Variants in RPS6KA1 observed in about 807,000 individuals in gnomAD.
RPS6KA1 encodes ribosomal protein S6 kinase alpha-1.
Under a neutral mutation model 91.3 loss-of-function variants are expected in RPS6KA1, and 48 were observed. The observed-to-expected ratio is 0.53, with a 90% CI of 0.42 to 0.67. RPS6KA1 has a LOEUF of 0.67. Ranked by LOEUF, RPS6KA1 falls within the 30% of genes least tolerant of loss-of-function variation. The probability of loss-of-function intolerance (pLI) is 0.00; values close to 1 mark genes in which losing one functional copy is unlikely to be tolerated. For missense variants in RPS6KA1, 719 were observed against 960.5 expected (o/e 0.75, Z 3.32); for synonymous variants, 359 against 384.7 (o/e 0.93, Z 0.78).
chr1:26,563,952 A>G (rs1356331451), intron 17 of RPS6KA1, among the ~76,000 whole-genome samples: 1 of 152,026 alleles, frequency 6.6e-6, no homozygotes, highest in Non-Finnish European at 1.5e-5. Flanking sequence ...ATGAAACCCC[A>G]TCTCTACCAA....
At chr1:26,536,233 G>A (rs1457454180) in intron 1 of RPS6KA1, among the ~76,000 whole-genome samples, 1 of 151,478 alleles carries the variant, frequency 6.6e-6, no homozygotes, top group African/African-American at 2.4e-5. Context: ...GCAGAGGCTT[G>A]GAAGAGAGCA....
chr1:26,536,864 G>T, intron 1 of RPS6KA1, 61 bp from the exon 2 acceptor site: 1 of 1,592,922 alleles, frequency 6.3e-7, no homozygotes, highest in Non-Finnish European at 8.6e-7. Flanking sequence ...GCCCCACAGA[G>T]TCTTTCTCCC....
chr1:26,535,538 G>A (rs1361529087), intron 1 of RPS6KA1, among the ~76,000 whole-genome samples: 1 of 152,134 alleles, frequency 6.6e-6, no homozygotes, highest in Non-Finnish European at 1.5e-5. Context: ...CAAACGCCCA[G>A]ATAGGGTAGG....
At position 26,547,280 on chromosome 1, in the gene RPS6KA1, G is replaced by C; in HGVS notation, c.307+10G>C. 1 of 1,609,678 alleles carries C rather than the reference G, an allele frequency of 6.2e-7. No individual in the cohort carries two copies. The highest frequency in any genetic ancestry group is 8.5e-7 in the Non-Finnish European group (1 of 1,176,862). On this transcript the variant is annotated intron_variant, in intron 4 of 21. Coordinates refer to ENST00000374168, the MANE Select transcript of RPS6KA1 (RefSeq NM_002953.4). This position sits in a 1 kb window ranked among gnomAD's most constrained non-coding sequence, Gnocchi z 4.1. ...AAGGCAACGCTGAAAGGTGAGTGGG[G>C]ACACCTCCCTGTGCAGAACCCAGGC...
intron 1 of RPS6KA1, among the ~76,000 whole-genome samples, chr1:26,534,592 A>G (rs2075893164): frequency 6.6e-6 from 1 of 152,272 alleles, no homozygotes; most frequent in East Asian, 1.9e-4. Flanking sequence ...ATAGGGCCCA[A>G]TGATAAGAAT....
chr1:26,535,992 A>G (rs2075903213), intron 1 of RPS6KA1, among the ~76,000 whole-genome samples: 5 of 152,184 alleles, frequency 3.3e-5, no homozygotes, highest in Admixed American at 3.3e-4. Flanking sequence ...GTCTACTAAA[A>G]AAAATACAAA....
At position 26,551,590 on chromosome 1, in the gene RPS6KA1, A is replaced by G; in HGVS notation, c.389-54A>G. 1 of 1,601,658 alleles carries G rather than the reference A, an allele frequency of 6.2e-7. No homozygotes were observed. Among genetic ancestry groups the G allele is most frequent in the South Asian group, 1.1e-5 (1 of 90,816 alleles). ...CAGGCCAAGGGAGCCAGGGCCGGAG[A>G]AGCAGATCATAAGGCCGCGCCGACT... On this transcript the variant is annotated intron_variant, in intron 5 of 21. Coordinates refer to ENST00000374168, the MANE Select transcript of RPS6KA1 (RefSeq NM_002953.4). The surrounding 1 kb of genome is among the most constrained non-coding windows in gnomAD (Gnocchi z 4.5).
intron 2 of RPS6KA1, among the ~76,000 whole-genome samples, chr1:26,542,426 G>C (rs1018937961): frequency 3.3e-5 from 5 of 152,248 alleles, no homozygotes; most frequent in African/African-American, 1.2e-4. Flanking sequence ...GGTTGTCTGC[G>C]GACAGGGTTT....
chr1:26,549,298 C>T (rs917669529), intron 4 of RPS6KA1, among the ~76,000 whole-genome samples: 6 of 151,800 alleles, frequency 4.0e-5, no homozygotes, highest in Admixed American at 6.6e-5. Context: ...AGGCTGGGTG[C>T]GGTGGCTCAT....
In RPS6KA1 at chr1:26,555,445, A is replaced by G; in HGVS notation, c.828-92A>G. 5.4e-6 allele frequency: 7 copies of G among 1,304,622 alleles called. No individual in the cohort carries two copies. In the South Asian group the frequency reaches 8.9e-5, roughly 17 times the overall value. 80.8% of individuals were successfully genotyped at this position (1,304,622 alleles called of 1,614,324 possible). Reference sequence around the variant, plus strand: ...GTGAATTAGTGGATGGCTTGTCTAGACTGAGCTGGGAACTAGATCTGGACA... The same window carrying G: ...GTGAATTAGTGGATGGCTTGTCTAGGCTGAGCTGGGAACTAGATCTGGACA... On this transcript the variant is annotated intron_variant, in intron 10 of 21. Coordinates refer to ENST00000374168, the MANE Select transcript of RPS6KA1 (RefSeq NM_002953.4). This position sits in a 1 kb window ranked among gnomAD's most constrained non-coding sequence, Gnocchi z 4.3.
chr1:26,545,884 G>A (rs1302018545), intron 2 of RPS6KA1: 5 of 1,558,510 alleles, frequency 3.2e-6, no homozygotes, highest in Admixed American at 1.9e-5. Flanking sequence ...CCATGGTGCC[G>A]TGGCCCTGCT....
chr1:26,573,937 C>CAAAAA, intron 21 of RPS6KA1, 142 bp from the exon 22 acceptor site: 1 of 772,616 alleles, frequency 1.3e-6, no homozygotes, highest in Non-Finnish European at 1.9e-6. Context: ...GACTGTATCT[C>CAAAAA]AAAAAAAAAA....
At position 26,555,575 on chromosome 1, in the gene RPS6KA1, C is replaced by T. The variant is rs138247663; in HGVS notation, c.866C>T (p.Ala289Val). 1.9e-6 allele frequency: 3 copies of T among 1,601,404 alleles called. No individual in the cohort carries two copies. The African/African-American group carries it at 4.0e-5, about 21-fold the overall frequency. Reference protein sequence around the residue: ...LGMPQFLSTEAQSLLRALFKR... With the variant: ...LGMPQFLSTEVQSLLRALFKR... ...ATGCCCCAGTTTCTGAGCACTGAAG[C>T]CCAGAGCCTCTTGCGGGCCCTGTTC... The change falls in exon 11 of 22, where the codon GCC becomes GTC. Residue 289 changes from alanine to valine, a missense_variant. Ala to Val is a moderately conservative substitution (Grantham distance 64). Transcript: ENST00000374168. The surrounding 1 kb of genome is among the most constrained non-coding windows in gnomAD (Gnocchi z 4.3).
chr1:26,544,125 C>G, intron 2 of RPS6KA1: 1 of 456,356 alleles, frequency 2.2e-6, no homozygotes, highest in Non-Finnish European at 4.4e-6. Context: ...CCTGGGGATC[C>G]CTGCCCTGCT....
chr1:26,572,628 G>C lies in RPS6KA1; in HGVS notation c.1947+335G>C, dbSNP rs114251818. Among the ~76,000 whole-genome samples, 1,347 of 152,302 alleles carry C rather than the reference G, an allele frequency of 8.8e-3. 19 individuals carry two copies. The highest frequency in any genetic ancestry group is 0.03 in the African/African-American group (1,258 of 41,568). On this transcript the variant is annotated intron_variant, in intron 20 of 21. Coordinates refer to ENST00000374168, the MANE Select transcript of RPS6KA1 (RefSeq NM_002953.4). ...GCAGAGATGCCTGGAGGCACAGATA[G>C]GCGGACGCTCTTGGCCAGGGGTGTG...
In RPS6KA1 at chr1:26,558,690, C is replaced by T; in HGVS notation, c.1085-117C>T. 2 of 1,267,494 alleles carry T rather than the reference C, an allele frequency of 1.6e-6. No homozygotes were observed. Among genetic ancestry groups the T allele is most frequent in the Non-Finnish European group, 2.2e-6 (2 of 907,288 alleles). 78.5% of individuals were successfully genotyped at this position (1,267,494 alleles called of 1,614,324 possible). A position where few individuals can be genotyped will look rare whatever the true frequency, so the allele number is the denominator to read the frequency against. ...TGATGGACAGGCCCTCTGCAGGCTC[C>T]CGCCACGGCCAGCCCCTGAGGCAGG... On this transcript the variant is annotated intron_variant, in intron 13 of 21. Transcript: ENST00000374168. This position sits in a 1 kb window ranked among gnomAD's most constrained non-coding sequence, Gnocchi z 4.0.
chr1:26,553,557 G>T, intron 7 of RPS6KA1, 60 bp downstream of exon 7: 1 of 1,091,888 alleles, frequency 9.2e-7, no homozygotes, highest in South Asian at 1.4e-5. Context: ...CTAGGACAGG[G>T]CCATCCTGAG....
At chr1:26,556,785 T>G (rs1570446344) in intron 12 of RPS6KA1, 67 bp downstream of exon 12, 2 of 1,573,508 alleles carry the variant, frequency 1.3e-6, no homozygotes, top group Non-Finnish European at 1.7e-6. Flanking sequence ...GGAAGGGTGG[T>G]GGGAGGGGAG....
chr1:26,561,780 C>A lies in RPS6KA1; in HGVS notation c.1590+117C>A. 1 of 1,046,800 alleles carries A rather than the reference C, an allele frequency of 9.6e-7. No homozygotes were observed. Among genetic ancestry groups the A allele is most frequent in the South Asian group, 1.6e-5 (1 of 64,242 alleles). The allele number at this position is 1,046,800 out of a possible 1,614,324, so 64.8% of individuals were successfully genotyped here. ...CCTCCAGCTAGCCAAACTGAGGGGA[C>A]ACTAGGGCTGGGTGGGTGGATGCGT... is the stretch of plus-strand genomic sequence containing the variant. On this transcript the variant is annotated intron_variant, in intron 17 of 21. Transcript: ENST00000374168. The surrounding 1 kb of genome is among the most constrained non-coding windows in gnomAD (Gnocchi z 5.7).
Sources: allele counts gnomAD v4.1 joint callset (sites outside exome capture counted in the v4.1 genomes callset), GRCh38; gene constraint gnomAD v4.1.1; non-coding constraint Gnocchi (gnomAD v3.1); transcripts MANE v1.5; gene names NCBI Gene and HGNC (gene_info 2026-07-23, HGNC 2026-07-21).